Variants in CNKSR3 observed in about 807,000 individuals in gnomAD.
CNKSR3 encodes the protein CNKSR family member 3.
Under a neutral mutation model 67.7 loss-of-function variants are expected in CNKSR3, and 36 were observed. The observed-to-expected ratio is 0.53, with a 90% CI of 0.41 to 0.70. CNKSR3 has a LOEUF of 0.70. Ranked by LOEUF, CNKSR3 falls within the 30% of genes least tolerant of loss-of-function variation. The pLI is 0.00. For missense variants in CNKSR3, 630 were observed against 695.2 expected (o/e 0.91, Z 1.05); for synonymous variants, 281 against 271.4 (o/e 1.04, Z -0.35).
At chr6:154,454,104 C>CACACACACACACACACACACACAGAGAG (rs1268729108) in intron 1 of CNKSR3, among the ~76,000 whole-genome samples, 1 of 116,290 alleles carries the variant, frequency 8.6e-6, no homozygotes, top group Non-Finnish European at 1.8e-5. Flanking sequence ...CACACACACA[C>CACACACACACACACACACACACAGAGAG]AGAGAGAGAG....
chr6:154,445,530 T>A (rs190414374), intron 2 of CNKSR3, among the ~76,000 whole-genome samples: 44 of 152,336 alleles, frequency 2.9e-4, no homozygotes, highest in African/African-American at 1.0e-3. Context: ...AGTTTTGAAC[T>A]AAAAGCAGGA....
chr6:154,469,664 T>A (rs1006437688), intron 1 of CNKSR3, among the ~76,000 whole-genome samples: 3 of 152,162 alleles, frequency 2.0e-5, no homozygotes, highest in African/African-American at 7.2e-5. Context: ...ACCATAAAAT[T>A]TTCTCTTTTA....
intron 1 of CNKSR3, among the ~76,000 whole-genome samples, chr6:154,494,984 A>T (rs536556209): frequency 6.6e-6 from 1 of 152,294 alleles, no homozygotes; most frequent in African/African-American, 2.4e-5. Context: ...TAGGTCTCTA[A>T]TCCTCTGATT....
intron 1 of CNKSR3, among the ~76,000 whole-genome samples, chr6:154,459,221 G>T (rs1235347544): frequency 3.3e-5 from 5 of 152,172 alleles, no homozygotes; most frequent in African/African-American, 9.6e-5. Context: ...GACGATGCAT[G>T]TAAGTCGGGT....
At position 154,403,974 on chromosome 6, in the gene CNKSR3, T is replaced by G. The variant is rs577352576; in HGVS notation, c.*2380A>C. 1 of 152,166 alleles carries G rather than the reference T, an allele frequency of 6.6e-6. No individual in the cohort carries two copies. Among genetic ancestry groups the G allele is most frequent in the Non-Finnish European group, 1.5e-5 (1 of 68,068 alleles). The allele number at this position is 152,166 out of a possible 1,614,324, so 9.4% of individuals were successfully genotyped here. The stretch of plus-strand genomic sequence containing the variant: ...AGTAAGAGGAGATGTTGCCACCCAC[T>G]TCCTGGGCATAAAGCCAGCTCAAGA... On this transcript the variant is annotated 3_prime_UTR_variant, in exon 13 of 13. Transcript: ENST00000607772.
chr6:154,471,113 C>G (rs990743579), intron 1 of CNKSR3, among the ~76,000 whole-genome samples: 1 of 152,202 alleles, frequency 6.6e-6, no homozygotes, highest in East Asian at 1.9e-4. Context: ...TATTCCCAAA[C>G]TTCAGTCATT....
intron 1 of CNKSR3, among the ~76,000 whole-genome samples, chr6:154,472,424 C>CTCCTCCTGGGCCCTCAGA (rs1235823921): frequency 6.6e-6 from 1 of 152,198 alleles, no homozygotes; most frequent in Admixed American, 6.5e-5. Context: ...TACCTGGGTA[C>CTCCTCCTGGGCCCTCAGA]TCCTCCTGGG....
chr6:154,509,505 C>A (rs78379758), intron 1 of CNKSR3, among the ~76,000 whole-genome samples: 2 of 150,364 alleles, frequency 1.3e-5, no homozygotes, highest in Non-Finnish European at 3.0e-5. Context: ...TTCTCCCTGG[C>A]GCAAATGCTA....
intron 12 of CNKSR3, among the ~76,000 whole-genome samples, chr6:154,409,801 T>C (rs1254417016): frequency 1.3e-5 from 2 of 151,038 alleles, no homozygotes; most frequent in African/African-American, 4.9e-5. Context: ...TCCAGCACTT[T>C]GGGAGGCTGA....
chr6:154,438,441 C>T (rs897208821), intron 4 of CNKSR3, among the ~76,000 whole-genome samples: 2 of 152,006 alleles, frequency 1.3e-5, no homozygotes, highest in Non-Finnish European at 2.9e-5. Flanking sequence ...TATCTTCATA[C>T]CACACTTTTT....
At chr6:154,450,843 A>C (rs1337054981) in intron 1 of CNKSR3, among the ~76,000 whole-genome samples, 1 of 152,222 alleles carries the variant, frequency 6.6e-6, no homozygotes, top group Non-Finnish European at 1.5e-5. Flanking sequence ...AAACCTTGGC[A>C]ATGCTGGCAG....
intron 1 of CNKSR3, among the ~76,000 whole-genome samples, chr6:154,465,016 C>CT (rs1427781900): frequency 6.6e-6 from 1 of 151,714 alleles, no homozygotes; most frequent in African/African-American, 2.4e-5. Flanking sequence ...TGGCAGGCAC[C>CT]TGTAATCCCA....
intron 4 of CNKSR3, among the ~76,000 whole-genome samples, chr6:154,440,507 A>T (rs888158500): frequency 2.0e-5 from 3 of 152,214 alleles, no homozygotes. Context: ...CCAAGAAGAA[A>T]TTTTTTTTTA....
intron 1 of CNKSR3, among the ~76,000 whole-genome samples, chr6:154,499,436 G>A (rs1319309424): frequency 6.6e-6 from 1 of 152,180 alleles, no homozygotes; most frequent in Non-Finnish European, 1.5e-5. Flanking sequence ...CTGCAGGTCT[G>A]GGGTGAGGCC....
intron 1 of CNKSR3, among the ~76,000 whole-genome samples, chr6:154,451,793 TA>T (rs1280704251): frequency 1.3e-5 from 2 of 151,888 alleles, no homozygotes; most frequent in Non-Finnish European, 2.9e-5. Context: ...GAGGAAGTAA[TA>T]AAAAAAACTA....
chr6:154,490,394 T>C (rs1330728928), intron 1 of CNKSR3, among the ~76,000 whole-genome samples: 1 of 152,204 alleles, frequency 6.6e-6, no homozygotes, highest in African/African-American at 2.4e-5. Flanking sequence ...TATTTATATG[T>C]ATGTATCTAA....
At position 154,390,342 on chromosome 6, in the gene CNKSR3, T is replaced by C. The variant is rs1472122658; in HGVS notation, c.*16012A>G. Reference sequence around the variant, plus strand: ...GCCAACCATACACACCCAGAGTTCCTAGTTCCTCCTGCCCTTTATGGACTC... The same window carrying C: ...GCCAACCATACACACCCAGAGTTCCCAGTTCCTCCTGCCCTTTATGGACTC... On this transcript the variant is annotated 3_prime_UTR_variant, in exon 13 of 13. Transcript: ENST00000607772. 6.6e-6 allele frequency: 1 copy of C among 152,280 alleles called. No homozygotes were observed. Among genetic ancestry groups the C allele is most frequent in the Admixed American group, 6.5e-5 (1 of 15,276 alleles). 9.4% of individuals were successfully genotyped at this position (152,280 alleles called of 1,614,324 possible). A position where few individuals can be genotyped will look rare whatever the true frequency, so the allele number is the denominator to read the frequency against.
chr6:154,424,601 A>G (rs1422052853), intron 7 of CNKSR3, among the ~76,000 whole-genome samples: 1 of 152,274 alleles, frequency 6.6e-6, no homozygotes, highest in African/African-American at 2.4e-5. Context: ...ATTAACAAGC[A>G]GCCCTAAACT....
intron 2 of CNKSR3, among the ~76,000 whole-genome samples, chr6:154,447,476 C>T (rs1785730993): frequency 6.6e-6 from 1 of 152,104 alleles, no homozygotes; most frequent in African/African-American, 2.4e-5. Context: ...GTCCTGGTCT[C>T]ATCATATAAT....
Sources: gnomAD v4.1 joint callset for allele counts (sites outside exome capture counted in the v4.1 genomes callset) on GRCh38, gnomAD v4.1.1 for gene constraint, MANE v1.5 for transcripts, NCBI Gene and HGNC (gene_info 2026-07-23, HGNC 2026-07-21) for gene names.